Variants in CNTNAP5 observed in about 807,000 individuals in gnomAD.
CNTNAP5 encodes the protein contactin-associated protein-like 5.
In CNTNAP5, 72 loss-of-function variants were observed where a neutral mutation model predicts 150.2. The ratio of observed to expected loss-of-function variants is 0.48; its 90% CI spans 0.40 to 0.58. CNTNAP5 has a LOEUF of 0.58. Among genes scored for constraint, CNTNAP5 ranks in the 20% least tolerant of loss-of-function variants. The probability of loss-of-function intolerance (pLI) is 0.00; values close to 1 mark genes in which losing one functional copy is unlikely to be tolerated. For synonymous variants in CNTNAP5, 672 were observed against 619.8 expected (o/e 1.08, Z -1.25); for missense variants, 1,636 against 1,626.2 (o/e 1.01, Z -0.10).
chr2:124,281,968 C>G (rs1688025007), intron 3 of CNTNAP5, among the ~76,000 whole-genome samples: 1 of 152,134 alleles, frequency 6.6e-6, no homozygotes, highest in Admixed American at 6.6e-5. Context: ...CATCTTCACT[C>G]TTTTTCAGAA....
chr2:124,586,058 G>A (rs966494265), intron 11 of CNTNAP5, among the ~76,000 whole-genome samples: 1 of 152,028 alleles, frequency 6.6e-6, no homozygotes, highest in African/African-American at 2.4e-5. Context: ...TGGAGAAGGT[G>A]GGTCTGGAAT....
At chr2:124,100,332 G>A (rs1218223454) in intron 1 of CNTNAP5, among the ~76,000 whole-genome samples, 2 of 152,056 alleles carry the variant, frequency 1.3e-5, no homozygotes, top group Non-Finnish European at 1.5e-5. Context: ...CCAACATTGA[G>A]GACTACAATT....
rs145287193 is a variant in CNTNAP5 at position 124,626,435 on chromosome 2, C to T, written c.1876+16515C>T. ...TTGACCTACAGAGAATGAGAAGAAG[C>T]AGAGTGGGTCATCATTTCACCTGGG... On this transcript the variant is annotated intron_variant, in intron 12 of 23. Coordinates refer to ENST00000682447, the MANE Select transcript of CNTNAP5 (RefSeq NM_001367498.1). Among the ~76,000 whole-genome samples the T allele has an allele frequency of 9.2e-5, 14 of 152,216 alleles. No individual in the cohort carries two copies. The East Asian group carries it at 2.7e-3, about 29-fold the overall frequency.
At chr2:124,485,710 T>G (rs1693863915) in intron 7 of CNTNAP5, among the ~76,000 whole-genome samples, 2 of 151,432 alleles carry the variant, frequency 1.3e-5, no homozygotes, top group South Asian at 4.2e-4. Context: ...AGGTCCCAGC[T>G]TCCTGCAGAA....
chr2:124,793,124 C>T (rs933285558), intron 18 of CNTNAP5, among the ~76,000 whole-genome samples: 33 of 152,124 alleles, frequency 2.2e-4, no homozygotes, highest in East Asian at 1.9e-4. Context: ...TTTTTCAAAT[C>T]GGCTGTTCCA....
chr2:124,620,523 T>C (rs1174829342), intron 12 of CNTNAP5, among the ~76,000 whole-genome samples: 2 of 152,054 alleles, frequency 1.3e-5, no homozygotes, highest in Non-Finnish European at 2.9e-5. Flanking sequence ...TGATTTGGAG[T>C]CACACTGGAG....
chr2:124,107,751 G>A (rs1241280121), intron 1 of CNTNAP5, among the ~76,000 whole-genome samples: 1 of 152,172 alleles, frequency 6.6e-6, no homozygotes, highest in Non-Finnish European at 1.5e-5. Flanking sequence ...AGTTTATTTT[G>A]TCAAGGTTAA....
chr2:124,244,109 C>T (rs945656801), intron 3 of CNTNAP5, among the ~76,000 whole-genome samples: 2 of 152,020 alleles, frequency 1.3e-5, no homozygotes. Context: ...TCATGAGTTT[C>T]ATCTTCTTTA....
At chr2:124,272,992 G>A (rs1217713108) in intron 3 of CNTNAP5, among the ~76,000 whole-genome samples, 2 of 152,158 alleles carry the variant, frequency 1.3e-5, no homozygotes, top group East Asian at 1.9e-4. Flanking sequence ...CTTCTCCAAA[G>A]GATAGTGCTA....
chr2:124,598,574 G>A (rs1371763728), intron 11 of CNTNAP5, among the ~76,000 whole-genome samples: 39 of 150,882 alleles, frequency 2.6e-4, no homozygotes, highest in Non-Finnish European at 5.2e-4. Context: ...ATTTAAGTCT[G>A]CAGAGGTTAC....
Position 124,144,570 on chromosome 2 carries a change from T to C in CNTNAP5, c.83-77135T>C, listed in dbSNP as rs1178973136. On this transcript the variant is annotated intron_variant, in intron 1 of 23. Coordinates refer to ENST00000682447, the MANE Select transcript of CNTNAP5 (RefSeq NM_001367498.1). ...GGATTCCCTATTTAATAAATGGTGCTGGGAAAACTGGCTAGCCATATGTAG... is the reference window on the plus strand; with the variant it reads ...GGATTCCCTATTTAATAAATGGTGCCGGGAAAACTGGCTAGCCATATGTAG... Among the ~76,000 whole-genome samples, 504 of 86,416 alleles carry C rather than the reference T, an allele frequency of 5.8e-3. 6 individuals are homozygous for C. Among genetic ancestry groups the C allele is most frequent in the African/African-American group, 0.022 (466 of 21,320 alleles). 56.7% of individuals were successfully genotyped at this position (86,416 alleles called of 152,430 possible).
chr2:124,043,104 A>G (rs1379992667), intron 1 of CNTNAP5, among the ~76,000 whole-genome samples: 2 of 152,140 alleles, frequency 1.3e-5, no homozygotes, highest in African/African-American at 2.4e-5. Flanking sequence ...CTTGGTCTCT[A>G]CTGGATGTCT....
At chr2:124,717,598 G>A (rs1679970253) in intron 13 of CNTNAP5, among the ~76,000 whole-genome samples, 1 of 152,174 alleles carries the variant, frequency 6.6e-6, no homozygotes, top group African/African-American at 2.4e-5. Context: ...TTTAGTCCAT[G>A]TGACATAAGG....
chr2:124,576,172 A>ATC (rs1401382572), intron 11 of CNTNAP5, among the ~76,000 whole-genome samples: 31 of 149,168 alleles, frequency 2.1e-4, no homozygotes, highest in Middle Eastern at 3.4e-3. Context: ...CTATATCTAT[A>ATC]TATATGTGCA....
At chr2:124,157,058 C>T (rs1225943782) in intron 1 of CNTNAP5, among the ~76,000 whole-genome samples, 1 of 152,236 alleles carries the variant, frequency 6.6e-6, no homozygotes, top group East Asian at 1.9e-4. Flanking sequence ...TCTCCCCTAA[C>T]TGTGTTCCAC....
chr2:124,408,420 C>T (rs1691651526), intron 3 of CNTNAP5, among the ~76,000 whole-genome samples: 1 of 152,232 alleles, frequency 6.6e-6, no homozygotes, highest in Non-Finnish European at 1.5e-5. Context: ...TAGGCTCCAC[C>T]TCTGGGGGCA....
intron 12 of CNTNAP5, among the ~76,000 whole-genome samples, chr2:124,644,250 G>T (rs961925165): frequency 1.3e-5 from 2 of 152,168 alleles, no homozygotes; most frequent in Non-Finnish European, 2.9e-5. Flanking sequence ...CCTAGAGCAG[G>T]CATCAGGAGT....
intron 1 of CNTNAP5, among the ~76,000 whole-genome samples, chr2:124,059,697 C>T (rs1020040893): frequency 6.6e-6 from 1 of 152,034 alleles, no homozygotes; most frequent in African/African-American, 2.4e-5. Flanking sequence ...GACACTCCTG[C>T]CATTTCCCTG....
chr2:124,703,323 C>T (rs879673341), intron 13 of CNTNAP5, among the ~76,000 whole-genome samples: 4 of 151,502 alleles, frequency 2.6e-5, no homozygotes, highest in African/African-American at 9.7e-5. Flanking sequence ...ACAATATTTG[C>T]TATTTCTGGA....
Sources: allele counts gnomAD v4.1 joint callset (sites outside exome capture counted in the v4.1 genomes callset), GRCh38; gene constraint gnomAD v4.1.1; transcripts MANE v1.5; gene names NCBI Gene and HGNC (gene_info 2026-07-23, HGNC 2026-07-21).